Variants in PPP2R5A observed in about 807,000 individuals in gnomAD.
The protein encoded by PPP2R5A is serine/threonine-protein phosphatase 2A 56 kDa regulatory subunit alpha isoform.
A neutral mutation model predicts 64.2 loss-of-function variants in PPP2R5A; 25 were observed. The observed-to-expected ratio is 0.39, with a 90% confidence interval of 0.28 to 0.54. The LOEUF (loss-of-function observed/expected upper bound fraction) is 0.54, where lower values mean the gene tolerates loss of function less well. Among genes scored for constraint, PPP2R5A ranks in the 20% least tolerant of loss-of-function variants. The pLI is 0.67. For synonymous variants in PPP2R5A, 198 were observed against 201.2 expected, an observed-to-expected ratio of 0.98 and a Z score of 0.13; for missense variants, 425 against 576.3, an observed-to-expected ratio of 0.74 and a Z score of 2.69.
At chr1:212,336,149 C>G (rs1035324146) in intron 3 of PPP2R5A, among the ~76,000 whole-genome samples, 1 of 152,066 alleles carries the variant, frequency 6.6e-6, no homozygotes, top group African/African-American at 2.4e-5. Flanking sequence ...GAGTCTCACT[C>G]TGTTGCCCAG....
rs372440469 is a variant in PPP2R5A at position 212,350,106 on chromosome 1, A to AT, written c.927+865dup. ...CAAAGGGTTTGAAAAACTAAAATAT[A>AT]TATGTATTTTTACTATATTATGAAC... On this transcript the variant is annotated intron_variant, in intron 8 of 12. Coordinates refer to ENST00000261461, the MANE Select transcript of PPP2R5A (RefSeq NM_006243.4). Among the ~76,000 whole-genome samples the AT allele has an allele frequency of 2.5e-3, 380 of 152,314 alleles. 1 individual carries two copies. Among genetic ancestry groups the AT allele is most frequent in the African/African-American group, 8.7e-3 (363 of 41,580 alleles).
rs751228809 is a variant in PPP2R5A at position 212,316,587 on chromosome 1, C to CTTTTTTTTTTTTT, written c.182-12534_182-12522dup. On this transcript the variant is annotated intron_variant, in intron 1 of 12. Transcript: ENST00000261461. Reference sequence around the variant, plus strand: ...ATGGATATTTAACCTTTGTGGGTGACTTTTTTTTTTTTTTTTTTTTTTTTT... The same window carrying CTTTTTTTTTTTTT: ...ATGGATATTTAACCTTTGTGGGTGACTTTTTTTTTTTTTTTTTTTTTTTTTTTTTTTTTTTTTT... 3.6e-3 allele frequency among the ~76,000 whole-genome samples: 133 copies of CTTTTTTTTTTTTT among 36,674 alleles called. 15 individuals are homozygous for CTTTTTTTTTTTTT. Among genetic ancestry groups the CTTTTTTTTTTTTT allele is most frequent in the South Asian group, 0.013 (7 of 520 alleles). The allele number at this position is 36,674 out of a possible 152,430, so 24.1% of individuals were successfully genotyped here. A position where few individuals can be genotyped will look rare whatever the true frequency, so the allele number is the denominator to read the frequency against.
chr1:212,357,047 G>C lies in PPP2R5A; in HGVS notation c.1076G>C (p.Cys359Ser). 1 of 1,610,740 alleles carries C rather than the reference G, an allele frequency of 6.2e-7. No individual in the cohort carries two copies. Reference sequence around the variant, plus strand: ...CCACTTTTCAAGCAGATATCCAAGTGTGTATCCAGTTCTCATTTTCAGGTA... The same window carrying C: ...CCACTTTTCAAGCAGATATCCAAGTCTGTATCCAGTTCTCATTTTCAGGTA... ...EEPLFKQISK[C>S]VSSSHFQVAE... is the part of the protein sequence containing the mutation. The change falls in exon 10 of 13, where the codon TGT becomes TCT. Residue 359 changes from cysteine to serine, a missense_variant. By Grantham distance (112) the Cys-to-Ser change is moderately radical. Coordinates refer to ENST00000261461, the MANE Select transcript of PPP2R5A (RefSeq NM_006243.4).
intron 1 of PPP2R5A, among the ~76,000 whole-genome samples, chr1:212,288,644 A>G (rs1301762960): frequency 5.3e-5 from 8 of 152,154 alleles, no homozygotes; most frequent in East Asian, 1.9e-4. Flanking sequence ...CCAACATTCA[A>G]TTGCTTCAAT....
At chr1:212,328,928 A>G (rs6675634) in intron 1 of PPP2R5A, among the ~76,000 whole-genome samples, 2 of 145,310 alleles carry the variant, frequency 1.4e-5, no homozygotes, top group South Asian at 4.2e-4. Flanking sequence ...CTTTAAAAAA[A>G]TTTTTTTAAT....
intron 1 of PPP2R5A, among the ~76,000 whole-genome samples, chr1:212,312,469 C>T (rs1039652766): frequency 6.6e-6 from 1 of 152,200 alleles, no homozygotes; most frequent in African/African-American, 2.4e-5. Context: ...TTAAACATAA[C>T]TTCTATCAGT....
intron 8 of PPP2R5A, among the ~76,000 whole-genome samples, chr1:212,350,125 T>C (rs1659850305): frequency 6.6e-6 from 1 of 152,240 alleles, no homozygotes; most frequent in Non-Finnish European, 1.5e-5. Context: ...TTTACTATAT[T>C]ATGAACCTTC....
At chr1:212,354,435 T>C (rs1659942315) in intron 8 of PPP2R5A, among the ~76,000 whole-genome samples, 1 of 152,014 alleles carries the variant, frequency 6.6e-6, no homozygotes, top group Admixed American at 6.6e-5. Context: ...TCCCAGCACT[T>C]TGGGAGGCCA....
Position 212,360,674 on chromosome 1 carries a change from GA to G in PPP2R5A, c.1371del (p.Lys457AsnfsTer2). ...KKELEREELW[K>X]KLEELKLKKA... is the part of the protein sequence containing the mutation. ...AGGAATTGGAACGTGAAGAATTATG[GA>G]AAAAATTAGAGGAGCTAAAGCTAAA... is the stretch of plus-strand genomic sequence containing the variant. On this transcript the variant is annotated frameshift_variant, in exon 13 of 13. Coordinates refer to ENST00000261461, the MANE Select transcript of PPP2R5A (RefSeq NM_006243.4). LOFTEE classifies it high-confidence loss of function. 1.3e-6 allele frequency: 2 copies of G among 1,587,086 alleles called. No individual in the cohort carries two copies. The highest frequency in any genetic ancestry group is 2.3e-5 in the South Asian group (2 of 86,708).
intron 3 of PPP2R5A, among the ~76,000 whole-genome samples, chr1:212,339,384 C>T (rs907875623): frequency 4.6e-5 from 7 of 152,090 alleles, no homozygotes; most frequent in Non-Finnish European, 7.4e-5. Flanking sequence ...TGCATGTTGG[C>T]CAGGCTGGTC....
intron 1 of PPP2R5A, among the ~76,000 whole-genome samples, chr1:212,289,074 C>A (rs1658555840): frequency 6.6e-6 from 1 of 152,148 alleles, no homozygotes. Flanking sequence ...AAACAACAAG[C>A]CTTGTTAAAA....
intron 1 of PPP2R5A, chr1:212,302,231 T>C (rs2298114): frequency 0.074 from 56,999 of 775,322 alleles, 4,089 homozygotes; most frequent in East Asian, 0.34. Flanking sequence ...CTACAAATTA[T>C]CTTACTGTAT....
chr1:212,323,711 GA>G (rs1357975698), intron 1 of PPP2R5A, among the ~76,000 whole-genome samples: 35 of 152,164 alleles, frequency 2.3e-4, no homozygotes, highest in Admixed American at 2.2e-3. Flanking sequence ...GATAAGCTAT[GA>G]AAAACATTAA....
chr1:212,294,624 C>A (rs1022406085), intron 1 of PPP2R5A, among the ~76,000 whole-genome samples: 1 of 152,040 alleles, frequency 6.6e-6, no homozygotes, highest in African/African-American at 2.4e-5. Context: ...TTTGGTGAAC[C>A]GCTGCAGAGA....
rs770125667 is a variant in PPP2R5A, at chr1:212,329,084, A to G, written c.182-51A>G. 27 of 1,271,608 alleles carry G rather than the reference A, an allele frequency of 2.1e-5. No individual in the cohort carries two copies. The East Asian group carries it at 4.9e-4, about 23-fold the overall frequency. The allele number at this position is 1,271,608 out of a possible 1,614,324, so 78.8% of individuals were successfully genotyped here. On this transcript the variant is annotated intron_variant, in intron 1 of 12. Transcript: ENST00000261461. ...TCTACAAAATTAATAAATATATAAA[A>G]GTAACTTCTGAGTAGGTTATTTCTA... is the stretch of plus-strand genomic sequence containing the variant.
rs1174158569 is a variant in PPP2R5A, at chr1:212,361,433, G to A, written c.*663G>A. The A allele has an allele frequency of 1.3e-5, 2 of 152,648 alleles. No homozygotes were observed. Among genetic ancestry groups the A allele is most frequent in the Admixed American group, 1.3e-4 (2 of 15,286 alleles). The allele number at this position is 152,648 out of a possible 1,614,324, so 9.5% of individuals were successfully genotyped here. On this transcript the variant is annotated 3_prime_UTR_variant, in exon 13 of 13. Coordinates refer to ENST00000261461, the MANE Select transcript of PPP2R5A (RefSeq NM_006243.4). ...ATCCCCCTTCCTCTGCAATTCTCCA[G>A]AGTGGTAACAGATGGGTAGAGGCAG...
intron 1 of PPP2R5A, chr1:212,302,196 A>G: frequency 1.9e-6 from 2 of 1,071,668 alleles, no homozygotes; most frequent in Non-Finnish European, 2.7e-6. Context: ...AAACAGTACA[A>G]GCAAAACCAC....
Position 212,286,275 on chromosome 1 carries a change from G to A in PPP2R5A, c.165G>A (p.Pro55=). Residue 55 remains proline, a synonymous_variant, in exon 1 of 13, where the codon CCG becomes CCA. Coordinates refer to ENST00000261461, the MANE Select transcript of PPP2R5A (RefSeq NM_006243.4). ...AGGGCAGCCAGGCAGAGCTGCACCCGCTGCCCCAGCTCAAAGGTAACCTCC... is the reference window on the plus strand; with the variant it reads ...AGGGCAGCCAGGCAGAGCTGCACCCACTGCCCCAGCTCAAAGGTAACCTCC... The part of the protein sequence containing the change: ...RSQGSQAELH[P]LPQLKDATSN... 1 of 1,525,820 alleles carries A rather than the reference G, an allele frequency of 6.6e-7. No homozygotes were observed. The highest frequency in any genetic ancestry group is 1.2e-5 in the South Asian group (1 of 82,580). The allele number at this position is 1,525,820 out of a possible 1,614,324, so 94.5% of individuals were successfully genotyped here.
At chr1:212,324,965 CCAG>C (rs1659381358) in intron 1 of PPP2R5A, among the ~76,000 whole-genome samples, 1 of 152,058 alleles carries the variant, frequency 6.6e-6, no homozygotes, top group Non-Finnish European at 1.5e-5. Context: ...CTGTTGATAT[CCAG>C]CACCAATTTT....
Sources: gnomAD v4.1 joint callset for allele counts (sites outside exome capture counted in the v4.1 genomes callset) on GRCh38, gnomAD v4.1.1 for gene constraint, MANE v1.5 for transcripts, NCBI Gene and HGNC (gene_info 2026-07-23, HGNC 2026-07-21) for gene names.